The following CEP350 variants were observed in gnomAD, a reference collection of about 807,000 sequenced individuals.
The protein encoded by CEP350 is centrosome-associated protein 350.
Under a neutral mutation model 331.8 loss-of-function variants are expected in CEP350, and 126 were observed. That is an observed-to-expected ratio of 0.38 (90% CI 0.33 to 0.44). The LOEUF is 0.44. Ranked by LOEUF, CEP350 falls within the 20% of genes least tolerant of loss-of-function variation. CEP350 has a pLI of 1.00. For missense variants in CEP350, 3,406 were observed against 3,634.6 expected (o/e 0.94, Z 1.62); for synonymous variants, 1,200 against 1,259.5 (o/e 0.95, Z 1.00).
intron 33 of CEP350, among the ~76,000 whole-genome samples, chr1:180,092,168 C>G (rs1278587602): frequency 2.0e-5 from 3 of 152,186 alleles, no homozygotes; most frequent in Non-Finnish European, 4.4e-5. Context: ...AATAGTTGAT[C>G]TATTTTCTTT....
chr1:180,091,612 C>G (rs752760186), intron 33 of CEP350, among the ~76,000 whole-genome samples: 13 of 152,176 alleles, frequency 8.5e-5, no homozygotes, highest in Non-Finnish European at 1.6e-4. Context: ...AGGCAGGTCA[C>G]TTGAGCTCAG....
chr1:180,001,488 G>T (rs1183539857), intron 6 of CEP350, among the ~76,000 whole-genome samples: 1 of 152,066 alleles, frequency 6.6e-6, no homozygotes, highest in Non-Finnish European at 1.5e-5. Flanking sequence ...CAAACTCTTG[G>T]CCTCAAGTGA....
intron 25 of CEP350, 90 bp from the exon 26 acceptor site, chr1:180,062,130 T>G: frequency 8.4e-7 from 1 of 1,191,768 alleles, no homozygotes; most frequent in African/African-American, 1.6e-5. Context: ...TGTATTTATT[T>G]TTAATATATG....
At chr1:180,021,935 T>C (rs1204058705) in intron 12 of CEP350, among the ~76,000 whole-genome samples, 2 of 152,176 alleles carry the variant, frequency 1.3e-5, no homozygotes, top group Non-Finnish European at 2.9e-5. Flanking sequence ...CTCAATTCCT[T>C]CAAGTCCCTT....
At chr1:179,999,427 A>G (rs917399503) in intron 6 of CEP350, among the ~76,000 whole-genome samples, 4 of 152,120 alleles carry the variant, frequency 2.6e-5, no homozygotes, top group Non-Finnish European at 4.4e-5. Context: ...GGTAGCAAAC[A>G]TTTGAGAACT....
rs1660664606 is a variant in CEP350 at position 180,099,402 on chromosome 1, A to G, written c.9189+417A>G. Among the ~76,000 whole-genome samples the G allele has an allele frequency of 2.0e-5, 3 of 152,218 alleles. No homozygotes were observed. In the South Asian group the frequency reaches 6.2e-4, roughly 31 times the overall value. On this transcript the variant is annotated intron_variant, in intron 37 of 37. Coordinates refer to ENST00000367607, the MANE Select transcript of CEP350 (RefSeq NM_014810.5). ...GATAAAATTATTAAGAAAATTAAAT[A>G]AGTATATGTGTAAAGCACTTAGAAT...
At chr1:179,990,405 A>G (rs1652970720) in intron 3 of CEP350, 102 bp from the exon 4 acceptor site, 1 of 479,838 alleles carries the variant, frequency 2.1e-6, no homozygotes, top group Non-Finnish European at 3.6e-6. Context: ...CTACTTTGGA[A>G]AAAGGTATTG....
At chr1:179,991,663 A>ATGTGTG (rs1197805256) in intron 4 of CEP350, among the ~76,000 whole-genome samples, 6 of 64,406 alleles carry the variant, frequency 9.3e-5, no homozygotes, top group African/African-American at 1.5e-4. Flanking sequence ...ATGTATATAT[A>ATGTGTG]TATATGTGTG....
chr1:180,000,612 A>G, intron 6 of CEP350: 1 of 179,600 alleles, frequency 5.6e-6, no homozygotes. Context: ...TTATCTTGTC[A>G]CCAGCAAAAT....
intron 15 of CEP350, among the ~76,000 whole-genome samples, chr1:180,033,212 A>G (rs1332891780): frequency 1.3e-5 from 2 of 152,176 alleles, no homozygotes; most frequent in Non-Finnish European, 2.9e-5. Context: ...TTACTTTTTC[A>G]AAGAAAGGCT....
Position 180,093,592 on chromosome 1 carries a change from A to G in CEP350, c.7487A>G (p.Asp2496Gly). ...GTTCCTACTGCAGACGAGTTATTTG[A>G]TTTCCACATTGGTGATAGGGTGTTG... ...ASVPTADELF[D>G]FHIGDRVLIG... is the part of the protein sequence containing the mutation. The change falls in exon 34 of 38, where the codon GAT becomes GGT. Residue 2496 changes from aspartate (D) to glycine (G), a missense_variant. Transcript: ENST00000367607. The G allele has an allele frequency of 6.2e-7, 1 of 1,613,944 alleles. No homozygotes were observed. Among genetic ancestry groups the G allele is most frequent in the Non-Finnish European group, 8.5e-7 (1 of 1,179,870 alleles).
intron 26 of CEP350, among the ~76,000 whole-genome samples, chr1:180,063,856 AGT>A (rs1658390037): frequency 1.3e-5 from 2 of 152,170 alleles, no homozygotes; most frequent in Admixed American, 6.5e-5. Flanking sequence ...GCTGTATAGC[AGT>A]ATAATTTTTA....
intron 1 of CEP350, among the ~76,000 whole-genome samples, chr1:179,960,942 A>G (rs77734316): frequency 0.038 from 5,826 of 152,160 alleles, 232 homozygotes; most frequent in Admixed American, 0.12. Flanking sequence ...TGGCATACTG[A>G]GGGGTCTGTG....
In CEP350 at chr1:180,015,770, A is replaced by T. The variant is rs1258037170; in HGVS notation, c.2053-79A>T. 2.0e-6 allele frequency: 3 copies of T among 1,482,266 alleles called. No individual in the cohort carries two copies. In the East Asian group the frequency reaches 7.3e-5, roughly 36 times the overall value. 91.8% of individuals were successfully genotyped at this position (1,482,266 alleles called of 1,614,324 possible). A position where few individuals can be genotyped will look rare whatever the true frequency, so the allele number is the denominator to read the frequency against. On this transcript the variant is annotated intron_variant, in intron 10 of 37. Transcript: ENST00000367607. ...TTATGATCTTTGTAGAGCTGAGGTG[A>T]CTTAATGTTTAACTTAGGTGCTACC...
chr1:179,978,973 C>T (rs1034376602), intron 1 of CEP350, among the ~76,000 whole-genome samples: 1 of 152,000 alleles, frequency 6.6e-6, no homozygotes, highest in Non-Finnish European at 1.5e-5. Context: ...CATCTGTTGT[C>T]GGACACTTGG....
rs1558154701 is a variant in CEP350, at chr1:180,093,171, A to G, written c.7066A>G (p.Thr2356Ala). ...AAAAGACATTCACGAACAAAAGAAC[A>G]CAAAGGAAAAAGATTTGTCTTGGTC... ...SGKDIHEQKN[T>A]KEKDLSWSEH... is the part of the protein sequence containing the mutation. The change falls in exon 34 of 38, where the codon ACA becomes GCA. Residue 2356 changes from threonine to alanine, a missense_variant. This residue lies in a region of CEP350 where 1,415 missense variants were observed against 1,512.3 expected (regional missense o/e 0.94). Transcript: ENST00000367607. 5 of 1,598,312 alleles carry G rather than the reference A, an allele frequency of 3.1e-6. No individual in the cohort carries two copies. The highest frequency in any genetic ancestry group is 4.3e-6 in the Non-Finnish European group (5 of 1,171,458).
In CEP350 at chr1:180,093,794, A is replaced by C. The variant is rs1415319628; in HGVS notation, c.7689A>C (p.Ile2563=). 1 of 1,613,974 alleles carries C rather than the reference A, an allele frequency of 6.2e-7. No individual in the cohort carries two copies. Among genetic ancestry groups the C allele is most frequent in the Middle Eastern group, 1.6e-4 (1 of 6,062 alleles). Residue 2563 remains isoleucine (I), a synonymous_variant, in exon 34 of 38, where the codon ATA becomes ATC. Transcript: ENST00000367607. ...KHGIFAPPQK[I]SHIPENFDDY... is the part of the protein sequence containing the mutation. ...GTATTTTTGCTCCTCCTCAAAAAATATCTCACATTCCAGAAAACTTTGATG... is the reference window on the plus strand; with the variant it reads ...GTATTTTTGCTCCTCCTCAAAAAATCTCTCACATTCCAGAAAACTTTGATG...
chr1:180,050,892 CAAT>C (rs1240431734), intron 22 of CEP350, among the ~76,000 whole-genome samples: 4 of 152,058 alleles, frequency 2.6e-5, no homozygotes, highest in Non-Finnish European at 2.9e-5. Flanking sequence ...GAAAAACAGA[CAAT>C]AACAAATTGG....
At chr1:180,002,109 C>T (rs1653903038) in intron 6 of CEP350, among the ~76,000 whole-genome samples, 1 of 152,140 alleles carries the variant, frequency 6.6e-6, no homozygotes, top group Admixed American at 6.5e-5. Context: ...TAAGTATTGG[C>T]AAGGATGTGG....
Sources: allele counts gnomAD v4.1 joint callset (sites outside exome capture counted in the v4.1 genomes callset), GRCh38; gene constraint gnomAD v4.1.1; regional missense constraint gnomAD v4.1.1; transcripts MANE v1.5; gene names NCBI Gene and HGNC (gene_info 2026-07-23, HGNC 2026-07-21).